CEACAM19: variants seen among roughly 807,000 people sequenced by gnomAD.
The protein encoded by CEACAM19 is CEA cell adhesion molecule 19.
Under a neutral mutation model 37.6 loss-of-function variants are expected in CEACAM19, and 37 were observed. That is an observed-to-expected ratio of 0.98 (90% CI 0.76 to 1.29). The LOEUF (loss-of-function observed/expected upper bound fraction) is 1.29, where lower values mean the gene tolerates loss of function less well. Among genes scored for constraint, CEACAM19 ranks in the 50% most tolerant of loss-of-function variants. CEACAM19 has a pLI of 0.00. For missense variants in CEACAM19, 340 were observed against 375.6 expected (o/e 0.91, Z 0.78); for synonymous variants, 140 against 149.8 (o/e 0.93, Z 0.48).
intron 5 of CEACAM19, 85 bp downstream of exon 5, chr19:44,680,419 C>T: frequency 7.8e-7 from 1 of 1,281,682 alleles, no homozygotes; most frequent in Non-Finnish European, 1.1e-6. Context: ...CGCTTATTCT[C>T]CCTCACTCAG....
rs115300162 is a variant in CEACAM19, at chr19:44,679,059, C to T, written c.659+123C>T. ...CAAGGTTGGGGTGCAGTGGTGCGAT[C>T]GTAGCTCACCGTAGCCTCGACCTCC... On this transcript the variant is annotated intron_variant, in intron 4 of 7. Coordinates refer to ENST00000358777, the MANE Select transcript of CEACAM19 (RefSeq NM_001127893.3). 2,106 of 1,383,538 alleles carry T rather than the reference C, an allele frequency of 1.5e-3. 34 individuals are homozygous for T. The African/African-American group carries it at 0.027, about 18-fold the overall frequency. The allele number at this position is 1,383,538 out of a possible 1,614,324, so 85.7% of individuals were successfully genotyped here. A position where few individuals can be genotyped will look rare whatever the true frequency, so the allele number is the denominator to read the frequency against.
At chr19:44,667,631 TA>T (rs1312805152), upstream of CEACAM19, among the ~76,000 whole-genome samples, 6 of 82,990 alleles carry the variant, frequency 7.2e-5, no homozygotes, top group South Asian at 2.8e-4. Context: ...TATAAATATA[TA>T]AATATATAAT....
At chr19:44,666,728 G>C (rs1449883632), upstream of CEACAM19, among the ~76,000 whole-genome samples, 1 of 151,428 alleles carries the variant, frequency 6.6e-6, no homozygotes, top group Non-Finnish European at 1.5e-5. Flanking sequence ...CAGGCATTAA[G>C]GAACATTGAG....
chr19:44,682,718 C>A, intron 7 of CEACAM19, 98 bp downstream of exon 7: 1 of 1,119,796 alleles, frequency 8.9e-7, no homozygotes, highest in Admixed American at 2.8e-5. Context: ...AAACTGGGGG[C>A]TTTCCTCCCC....
chr19:44,669,605 A>G (rs771681504), upstream of CEACAM19, among the ~76,000 whole-genome samples: 5 of 151,896 alleles, frequency 3.3e-5, no homozygotes, highest in Admixed American at 6.6e-5. Flanking sequence ...CACCCAAGAT[A>G]TTGCAACCTC....
At chr19:44,674,683 G>A (rs1249604989) in intron 2 of CEACAM19, among the ~76,000 whole-genome samples, 1 of 152,186 alleles carries the variant, frequency 6.6e-6, no homozygotes, top group Non-Finnish European at 1.5e-5. Flanking sequence ...GATTACAGGC[G>A]TGAGCCACCA....
At chr19:44,667,870 A>T (rs1262759633), upstream of CEACAM19, among the ~76,000 whole-genome samples, 1 of 71,384 alleles carries the variant, frequency 1.4e-5, no homozygotes, top group African/African-American at 6.8e-5. Flanking sequence ...AATTATATAT[A>T]ATATATAAAT....
At chr19:44,665,938 C>T (rs1472613518) in intron 1 of CEACAM19, 1 of 152,314 alleles carries the variant, frequency 6.6e-6, no homozygotes, top group Non-Finnish European at 1.5e-5. Context: ...CAACCAATCC[C>T]TGGCCAAAAG....
At chr19:44,679,078 G>C (rs764782873) in intron 4 of CEACAM19, 142 bp downstream of exon 4, 1 of 1,275,882 alleles carries the variant, frequency 7.8e-7, no homozygotes, top group Non-Finnish European at 1.0e-6. Context: ...CCGTAGCCTC[G>C]ACCTCCCTGG....
rs774326292 is a variant in CEACAM19 at position 44,672,754 on chromosome 19, T to G, written c.214T>G (p.Tyr72Asp). ...DFNWYLGEETYGGTRLFTYIP... is the reference protein window; with the variant it reads ...DFNWYLGEETDGGTRLFTYIP... ...CAACTGGTACCTGGGGGAGGAGACG[T>G]ACGGAGGCACGAGGCTATTTACCTA... The change falls in exon 2 of 8, where the codon TAC becomes GAC. Residue 72 changes from tyrosine to aspartate, a missense_variant. By Grantham distance (160) the Tyr-to-Asp change is radical. Coordinates refer to ENST00000358777, the MANE Select transcript of CEACAM19 (RefSeq NM_001127893.3). 1 of 1,583,386 alleles carries G rather than the reference T, an allele frequency of 6.3e-7. No individual in the cohort carries two copies. Among genetic ancestry groups the G allele is most frequent in the Non-Finnish European group, 8.6e-7 (1 of 1,163,088 alleles).
In CEACAM19 at chr19:44,673,103, C is replaced by CT. The variant is rs1440384101; in HGVS notation, c.424+139_424+140insT. On this transcript the variant is annotated intron_variant, in intron 2 of 7. Transcript: ENST00000358777. Reference sequence around the variant, plus strand: ...ACACATATTGAGCATCTACTGTGTACCAATCCCCAGAGATAGTCTTTAACC... The same window carrying CT: ...ACACATATTGAGCATCTACTGTGTACTCAATCCCCAGAGATAGTCTTTAACC... 1.5e-4 allele frequency: 93 copies of CT among 611,788 alleles called. No individual in the cohort carries two copies. In the African/African-American group the frequency reaches 1.7e-3, roughly 11 times the overall value. 37.9% of individuals were successfully genotyped at this position (611,788 alleles called of 1,614,324 possible).
At chr19:44,676,781 GC>G (rs1375667291) in intron 3 of CEACAM19, among the ~76,000 whole-genome samples, 1 of 151,990 alleles carries the variant, frequency 6.6e-6, no homozygotes, top group South Asian at 2.1e-4. Context: ...GCACCACCAA[GC>G]CTGGCTAATT....
Position 44,672,783 on chromosome 19 carries a change from C to T in CEACAM19, c.243C>T (p.Ile81=). 3 of 1,584,184 alleles carry T rather than the reference C, an allele frequency of 1.9e-6. No individual in the cohort carries two copies. Among genetic ancestry groups the T allele is most frequent in the Middle Eastern group, 1.7e-4 (1 of 5,956 alleles). ...TYGGTRLFTY[I]PGIQRPQRDG... is the part of the protein sequence containing the mutation. The stretch of plus-strand genomic sequence containing the variant: ...GAGGCACGAGGCTATTTACCTACAT[C>T]CCTGGGATACAACGGCCTCAGAGGG... Residue 81 remains isoleucine, a synonymous_variant, in exon 2 of 8, where the codon ATC becomes ATT. Coordinates refer to ENST00000358777, the MANE Select transcript of CEACAM19 (RefSeq NM_001127893.3).
At chr19:44,673,009 C>T in intron 2 of CEACAM19, 45 bp downstream of exon 2, 2 of 1,417,164 alleles carry the variant, frequency 1.4e-6, no homozygotes, top group Middle Eastern at 1.9e-4. Flanking sequence ...CTAATGAGCC[C>T]TGAGCAGCTA....
At position 44,676,396 on chromosome 19, in the gene CEACAM19, A is replaced by G. The variant is rs775455521; in HGVS notation, c.550A>G (p.Arg184Gly). The stretch of plus-strand genomic sequence containing the variant: ...CTGCATTGCCTATCTCCTGGTGACA[A>G]GGAACTGGAGGGGCCAGAGCCACAG... Reference protein sequence around the residue: ...ISCIAYLLVTRNWRGQSHRLP... With the variant: ...ISCIAYLLVTGNWRGQSHRLP... The change falls in exon 3 of 8, where the codon AGG (arginine) becomes GGG (glycine). Residue 184 changes from arginine to glycine, a missense_variant. Arg to Gly is a moderately radical substitution (Grantham distance 125, BLOSUM62 -2). Coordinates refer to ENST00000358777, the MANE Select transcript of CEACAM19 (RefSeq NM_001127893.3). 1.9e-6 allele frequency: 3 copies of G among 1,613,972 alleles called. No individual in the cohort carries two copies. The Admixed American group carries it at 5.0e-5, about 27-fold the overall frequency.
At chr19:44,682,749 G>A (rs1974085380) in intron 7 of CEACAM19, 129 bp downstream of exon 7, 1 of 842,428 alleles carries the variant, frequency 1.2e-6, no homozygotes, top group Admixed American at 3.2e-5. Flanking sequence ...AAGCCTCACG[G>A]TCTCTGCTCT....
intron 5 of CEACAM19, among the ~76,000 whole-genome samples, chr19:44,680,632 C>T (rs922923530): frequency 6.6e-6 from 1 of 152,114 alleles, no homozygotes; most frequent in African/African-American, 2.4e-5. Flanking sequence ...CAGCTCCTCA[C>T]TGGTCTCCCA....
At chr19:44,667,179 C>T (rs565336618), upstream of CEACAM19, 1 of 151,652 alleles carries the variant, frequency 6.6e-6, no homozygotes, top group African/African-American at 2.4e-5. Flanking sequence ...GATACCATCA[C>T]CCCCAACAAG....
chr19:44,669,261 G>T (rs1220807628), upstream of CEACAM19, among the ~76,000 whole-genome samples: 2 of 152,016 alleles, frequency 1.3e-5, no homozygotes, highest in Non-Finnish European at 2.9e-5. Context: ...TGGAACTATA[G>T]TTGAAAGCCA....
Sources: gnomAD v4.1 joint callset for allele counts (sites outside exome capture counted in the v4.1 genomes callset) on GRCh38, gnomAD v4.1.1 for gene constraint, MANE v1.5 for transcripts, NCBI Gene and HGNC (gene_info 2026-07-23, HGNC 2026-07-21) for gene names.